The following EPHA7 variants were observed in gnomAD, a reference collection of about 807,000 sequenced individuals.
EPHA7 encodes EPH receptor A7.
A neutral mutation model predicts 112.6 loss-of-function variants in EPHA7; 25 were observed. That is an observed-to-expected ratio of 0.22 (90% CI 0.16 to 0.31). The LOEUF (loss-of-function observed/expected upper bound fraction) is 0.31. Ranked by LOEUF, EPHA7 falls within the 10% of genes least tolerant of loss-of-function variation. The pLI, the probability that EPHA7 is intolerant of heterozygous loss-of-function variation, is 1.00. For synonymous variants in EPHA7, 437 were observed against 406.5 expected (o/e 1.07, Z -0.90); for missense variants, 962 against 1,212.6 (o/e 0.79, Z 3.07).
chr6:93,341,541 T>C (rs1775137744), intron 5 of EPHA7, among the ~76,000 whole-genome samples: 1 of 151,858 alleles, frequency 6.6e-6, no homozygotes, highest in South Asian at 2.1e-4. Flanking sequence ...AAGAAAGTTA[T>C]AGAAAACAGA....
At chr6:93,400,364 A>G (rs1778380429) in intron 3 of EPHA7, among the ~76,000 whole-genome samples, 3 of 152,054 alleles carry the variant, frequency 2.0e-5, no homozygotes, top group Admixed American at 2.0e-4. Flanking sequence ...TGCACAGTGA[A>G]TTACTAATCT....
At chr6:93,318,733 T>C (rs541737572) in intron 5 of EPHA7, among the ~76,000 whole-genome samples, 9 of 151,984 alleles carry the variant, frequency 5.9e-5, no homozygotes, top group Non-Finnish European at 1.2e-4. Flanking sequence ...TATGAAAAAA[T>C]AACAAAGATT....
chr6:93,374,393 A>C (rs559329245), intron 3 of EPHA7, among the ~76,000 whole-genome samples: 1 of 152,256 alleles, frequency 6.6e-6, no homozygotes, highest in Non-Finnish European at 1.5e-5. Context: ...TGAGTACATT[A>C]TACCCTCACT....
chr6:93,297,909 A>G (rs559945529), intron 5 of EPHA7, among the ~76,000 whole-genome samples: 2 of 152,270 alleles, frequency 1.3e-5, no homozygotes, highest in East Asian at 3.9e-4. Flanking sequence ...TTTATATGTA[A>G]TTGCCCATTG....
chr6:93,331,531 A>G lies in EPHA7; in HGVS notation c.1324+25186T>C, dbSNP rs563365767. ...TTTGATTTATAACTTATTTAGAAAC[A>G]GAGATTCTGTCTAGAATGCATACTA... is the stretch of plus-strand genomic sequence containing the variant. On this transcript the variant is annotated intron_variant, in intron 5 of 16. Coordinates refer to ENST00000369303, the MANE Select transcript of EPHA7 (RefSeq NM_004440.4). Among the ~76,000 whole-genome samples, 3 of 151,622 alleles carry G rather than the reference A, an allele frequency of 2.0e-5. No individual in the cohort carries two copies. In the South Asian group the frequency reaches 6.2e-4, roughly 31 times the overall value.
In EPHA7 at chr6:93,258,219, T is replaced by G. The variant is rs1263935491; in HGVS notation, c.1990A>C (p.Ile664Leu). The G allele has an allele frequency of 5.0e-6, 8 of 1,613,282 alleles. No individual in the cohort carries two copies. Among genetic ancestry groups the G allele is most frequent in the Non-Finnish European group, 6.8e-6 (8 of 1,179,622 alleles). ...LPGKRDVAVA[I>L]KTLKVGYTEK... ...GTGTAACCAACTTTCAGGGTTTTTA[T>G]GGCTACTGCAACATCTCTTTTCCCT... The change falls in exon 11 of 17, where the codon ATA (isoleucine) becomes CTA (leucine). Residue 664 changes from isoleucine (I) to leucine (L), a missense_variant. Coordinates refer to ENST00000369303, the MANE Select transcript of EPHA7 (RefSeq NM_004440.4).
intron 5 of EPHA7, among the ~76,000 whole-genome samples, chr6:93,311,231 G>C (rs1039748095): frequency 1.3e-5 from 2 of 148,624 alleles, no homozygotes; most frequent in African/African-American, 5.0e-5. Context: ...CCAAAGTGCT[G>C]GGATTACAGG....
In EPHA7 at chr6:93,241,771, A is replaced by G. The variant is rs1244983326; in HGVS notation, c.*1655T>C. 1 of 220,412 alleles carries G rather than the reference A, an allele frequency of 4.5e-6. No homozygotes were observed. The highest frequency in any genetic ancestry group is 6.6e-5 in the East Asian group (1 of 15,064). 13.7% of individuals were successfully genotyped at this position (220,412 alleles called of 1,614,324 possible). A position where few individuals can be genotyped will look rare whatever the true frequency, so the allele number is the denominator to read the frequency against. On this transcript the variant is annotated 3_prime_UTR_variant, in exon 17 of 17. Coordinates refer to ENST00000369303, the MANE Select transcript of EPHA7 (RefSeq NM_004440.4). ...TGCTCTGCAAGTAAAATAGAAAAAT[A>G]TAGTGCATTTTCAATGTATTCAGAG... is the stretch of plus-strand genomic sequence containing the variant.
At position 93,351,112 on chromosome 6, in the gene EPHA7, T is replaced by C. The variant is rs13205574; in HGVS notation, c.1324+5605A>G. Among the ~76,000 whole-genome samples, 437 of 152,188 alleles carry C rather than the reference T, an allele frequency of 2.9e-3. 1 individual carries two copies. Among genetic ancestry groups the C allele is most frequent in the Non-Finnish European group, 5.2e-3 (352 of 67,980 alleles). On this transcript the variant is annotated intron_variant, in intron 5 of 16. Transcript: ENST00000369303. ...CGAGATATTTGCCAGAAAACAGGCC[T>C]CAGTTCCCTGCCTCATTTAGAATTT...
intron 5 of EPHA7, among the ~76,000 whole-genome samples, chr6:93,294,979 TC>T (rs1772582739): frequency 6.6e-6 from 1 of 151,990 alleles, no homozygotes; most frequent in African/African-American, 2.4e-5. Flanking sequence ...AAGAAAAATT[TC>T]CAAATCATAC....
chr6:93,386,532 G>A (rs894629504), intron 3 of EPHA7, among the ~76,000 whole-genome samples: 2 of 152,138 alleles, frequency 1.3e-5, no homozygotes, highest in Non-Finnish European at 2.9e-5. Flanking sequence ...CCAGGTGCAC[G>A]TGTAAGCTGT....
At chr6:93,388,359 T>C (rs948027234) in intron 3 of EPHA7, among the ~76,000 whole-genome samples, 1 of 152,142 alleles carries the variant, frequency 6.6e-6, no homozygotes, top group African/African-American at 2.4e-5. Context: ...ATCCCTATTA[T>C]TATCAATATT....
chr6:93,319,682 C>T (rs1430939486), intron 5 of EPHA7, among the ~76,000 whole-genome samples: 2 of 152,010 alleles, frequency 1.3e-5, no homozygotes, highest in African/African-American at 4.8e-5. Flanking sequence ...CGAAGACCTA[C>T]TAGGAAGTTT....
rs551094629 is a variant in EPHA7, at chr6:93,275,756, A to G, written c.1325-3334T>C. Reference sequence around the variant, plus strand: ...AAATTTGTGGAATGGGTTTGTTAGTATAAGGCTTTAAATTGAAAAATAATC... The same window carrying G: ...AAATTTGTGGAATGGGTTTGTTAGTGTAAGGCTTTAAATTGAAAAATAATC... On this transcript the variant is annotated intron_variant, in intron 5 of 16. Transcript: ENST00000369303. Among the ~76,000 whole-genome samples, 17 of 152,136 alleles carry G rather than the reference A, an allele frequency of 1.1e-4. No individual in the cohort carries two copies. The South Asian group carries it at 3.5e-3, about 32-fold the overall frequency.
intron 5 of EPHA7, among the ~76,000 whole-genome samples, chr6:93,323,824 C>T (rs1387868110): frequency 2.0e-5 from 3 of 151,412 alleles, no homozygotes; most frequent in South Asian, 2.1e-4. Context: ...CCAGCTGGAT[C>T]TCCATCTGCT....
At chr6:93,383,920 T>C (rs956764140) in intron 3 of EPHA7, among the ~76,000 whole-genome samples, 1 of 152,120 alleles carries the variant, frequency 6.6e-6, no homozygotes, top group Non-Finnish European at 1.5e-5. Flanking sequence ...ACTCCTAGCT[T>C]CAAGGGATCC....
chr6:93,360,376 C>T (rs1047292324), intron 3 of EPHA7, among the ~76,000 whole-genome samples: 5 of 152,046 alleles, frequency 3.3e-5, no homozygotes, highest in African/African-American at 9.7e-5. Flanking sequence ...ACTCACAACT[C>T]GCTGTCTGAG....
At chr6:93,397,443 G>C (rs1778233976) in intron 3 of EPHA7, among the ~76,000 whole-genome samples, 1 of 151,804 alleles carries the variant, frequency 6.6e-6, no homozygotes, top group Admixed American at 6.6e-5. Context: ...ACTCTTAATT[G>C]ATAAATATGG....
rs574597972 is a variant in EPHA7, at chr6:93,285,286, G to C, written c.1325-12864C>G. Among the ~76,000 whole-genome samples, 13 of 152,224 alleles carry C rather than the reference G, an allele frequency of 8.5e-5. No homozygotes were observed. The East Asian group carries it at 2.5e-3, about 29-fold the overall frequency. On this transcript the variant is annotated intron_variant, in intron 5 of 16. Coordinates refer to ENST00000369303, the MANE Select transcript of EPHA7 (RefSeq NM_004440.4). ...ATTTTAGTACCAAGAGAAAATTAAC[G>C]CAGCTAATTAATACCCAAGAATCAC...
Sources: allele counts gnomAD v4.1 joint callset (sites outside exome capture counted in the v4.1 genomes callset), GRCh38; gene constraint gnomAD v4.1.1; transcripts MANE v1.5; gene names NCBI Gene and HGNC (gene_info 2026-07-23, HGNC 2026-07-21).